The following WDR70 variants were observed in gnomAD, a reference collection of about 807,000 sequenced individuals.
WDR70 encodes WD repeat-containing protein 70.
In WDR70, 53 loss-of-function variants were observed where a neutral mutation model predicts 88.6. The observed-to-expected ratio is 0.60, with a 90% CI of 0.48 to 0.75. The LOEUF (loss-of-function observed/expected upper bound fraction) is 0.75, where lower values mean the gene tolerates loss of function less well. Among genes scored for constraint, WDR70 ranks in the 30% least tolerant of loss-of-function variants. WDR70 has a pLI of 0.00. For missense variants in WDR70, 610 were observed against 823.2 expected (o/e 0.74, Z 3.17); for synonymous variants, 280 against 270.0 (o/e 1.04, Z -0.36).
intron 5 of WDR70, among the ~76,000 whole-genome samples, chr5:37,405,917 C>T (rs1432422699): frequency 1.3e-5 from 2 of 152,024 alleles, no homozygotes; most frequent in East Asian, 3.9e-4. Context: ...GTGGTGTGCA[C>T]CTGTAATTCC....
chr5:37,388,249 T>C (rs1748689162), intron 3 of WDR70, among the ~76,000 whole-genome samples: 1 of 151,676 alleles, frequency 6.6e-6, no homozygotes, highest in Non-Finnish European at 1.5e-5. Context: ...CCTGAGTAGC[T>C]GGGATTACAG....
intron 9 of WDR70, among the ~76,000 whole-genome samples, chr5:37,527,408 G>A (rs1741318219): frequency 6.6e-6 from 1 of 152,194 alleles, no homozygotes; most frequent in South Asian, 2.1e-4. Flanking sequence ...AATAAATGAT[G>A]CTGTGAAAAC....
At chr5:37,496,631 G>T (rs1740224137) in intron 8 of WDR70, among the ~76,000 whole-genome samples, 1 of 152,214 alleles carries the variant, frequency 6.6e-6, no homozygotes, top group Non-Finnish European at 1.5e-5. Context: ...TCTATTTCAA[G>T]ATGACATTTC....
At position 37,526,794 on chromosome 5, in the gene WDR70, C is replaced by A. The variant is rs973794687; in HGVS notation, c.917+10204C>A. Among the ~76,000 whole-genome samples, 70 of 152,204 alleles carry A rather than the reference C, an allele frequency of 4.6e-4. 1 individual carries two copies. Among genetic ancestry groups the A allele is most frequent in the Admixed American group, 4.1e-3 (62 of 15,286 alleles). ...AGCAACTTCAGCAAAGTCTCAGGAT[C>A]CAAAAATCAACGTGCAAAAATCACA... On this transcript the variant is annotated intron_variant, in intron 9 of 17. Coordinates refer to ENST00000265107, the MANE Select transcript of WDR70 (RefSeq NM_018034.4).
At chr5:37,394,641 A>C (rs567812912) in intron 4 of WDR70, among the ~76,000 whole-genome samples, 8 of 152,320 alleles carry the variant, frequency 5.3e-5, no homozygotes, top group Admixed American at 5.2e-4. Flanking sequence ...AAAGTTTAGA[A>C]GGAGTGTGCC....
intron 9 of WDR70, among the ~76,000 whole-genome samples, chr5:37,566,990 A>G (rs980138494): frequency 6.6e-6 from 1 of 152,190 alleles, no homozygotes; most frequent in Non-Finnish European, 1.5e-5. Flanking sequence ...TGGGAAGTGA[A>G]GTCAGAACCT....
At chr5:37,722,822 G>C (rs1747861541) in intron 14 of WDR70, 33 bp from the exon 15 acceptor site, 1 of 1,603,664 alleles carries the variant, frequency 6.2e-7, no homozygotes, top group African/African-American at 1.3e-5. Context: ...CTAAGACCAA[G>C]TAAAGAAAAT....
intron 7 of WDR70, among the ~76,000 whole-genome samples, chr5:37,459,326 G>T (rs1738927673): frequency 6.8e-6 from 1 of 147,260 alleles, no homozygotes; most frequent in Non-Finnish European, 1.5e-5. Context: ...GGAGAGTTCT[G>T]TAGATGTCTA....
At chr5:37,546,349 A>G (rs1377727023) in intron 9 of WDR70, among the ~76,000 whole-genome samples, 1 of 152,204 alleles carries the variant, frequency 6.6e-6, no homozygotes, top group Non-Finnish European at 1.5e-5. Context: ...TGTAACGGGT[A>G]AGATGTCTAC....
intron 8 of WDR70, among the ~76,000 whole-genome samples, chr5:37,489,306 G>A (rs144063636): frequency 6.6e-6 from 1 of 152,192 alleles, no homozygotes; most frequent in Non-Finnish European, 1.5e-5. Context: ...AGTAGTGGCA[G>A]TGGTGAGTTG....
intron 10 of WDR70, among the ~76,000 whole-genome samples, chr5:37,617,932 G>C (rs1744391690): frequency 6.6e-6 from 1 of 152,170 alleles, no homozygotes; most frequent in Admixed American, 6.5e-5. Context: ...TAATATGATT[G>C]CATATTGATC....
intron 4 of WDR70, among the ~76,000 whole-genome samples, chr5:37,395,045 A>C (rs1748965738): frequency 6.6e-6 from 1 of 152,224 alleles, no homozygotes; most frequent in Admixed American, 6.5e-5. Context: ...AGATGCTAGA[A>C]CAAAACAGAA....
At chr5:37,661,273 C>T (rs1745694284) in intron 10 of WDR70, among the ~76,000 whole-genome samples, 1 of 152,178 alleles carries the variant, frequency 6.6e-6, no homozygotes, top group Non-Finnish European at 1.5e-5. Flanking sequence ...CAGCTGAATG[C>T]TGCTTTGTGT....
intron 8 of WDR70, among the ~76,000 whole-genome samples, chr5:37,497,471 T>TCCTTCCCTCTTCCCTTC (rs1436707859): frequency 0.17 from 8,290 of 47,848 alleles, 500 homozygotes; most frequent in South Asian, 0.27. Context: ...GTCTTCCCTT[T>TCCTTCCCTCTTCCCTTC]CCTTCCCTCT....
At chr5:37,704,083 G>A (rs150404212) in intron 13 of WDR70, among the ~76,000 whole-genome samples, 6 of 152,186 alleles carry the variant, frequency 3.9e-5, no homozygotes, top group African/African-American at 1.4e-4. Flanking sequence ...GTAAAACCAC[G>A]GTATAGAGTA....
At chr5:37,662,196 C>T (rs1032691946) in intron 10 of WDR70, among the ~76,000 whole-genome samples, 3 of 152,164 alleles carry the variant, frequency 2.0e-5, no homozygotes, top group African/African-American at 7.2e-5. Flanking sequence ...TTATGAATAG[C>T]CTTTCAGAAC....
chr5:37,600,355 A>G (rs1354631079), intron 9 of WDR70, among the ~76,000 whole-genome samples: 6 of 151,958 alleles, frequency 3.9e-5, no homozygotes, highest in African/African-American at 1.2e-4. Context: ...GTGAAACCCC[A>G]TCTCTACTAA....
At chr5:37,655,889 G>A (rs577638600) in intron 10 of WDR70, among the ~76,000 whole-genome samples, 6 of 151,956 alleles carry the variant, frequency 3.9e-5, no homozygotes, top group African/African-American at 9.6e-5. Flanking sequence ...GAACATGCTC[G>A]TTTAGCTCAG....
At chr5:37,433,759 T>C (rs1044861880) in intron 5 of WDR70, among the ~76,000 whole-genome samples, 2 of 152,224 alleles carry the variant, frequency 1.3e-5, no homozygotes, top group Non-Finnish European at 2.9e-5. Flanking sequence ...CCTACTTTCT[T>C]AGGCAGAATG....
Sources: allele counts gnomAD v4.1 joint callset (sites outside exome capture counted in the v4.1 genomes callset), GRCh38; gene constraint gnomAD v4.1.1; transcripts MANE v1.5; gene names NCBI Gene and HGNC (gene_info 2026-07-23, HGNC 2026-07-21).